DTWD2: variants seen among roughly 807,000 people sequenced by gnomAD.
DTWD2 encodes tRNA-uridine aminocarboxypropyltransferase 2.
Under a neutral mutation model 31.8 loss-of-function variants are expected in DTWD2, and 39 were observed. That is an observed-to-expected ratio of 1.22 (90% CI 0.95 to 1.60). DTWD2 has a LOEUF of 1.60. DTWD2 is among the 40% of genes most tolerant of loss of function. The pLI is 0.00. For synonymous variants in DTWD2, 180 were observed against 142.8 expected (o/e 1.26, Z -1.86); for missense variants, 515 against 381.5 (o/e 1.35, Z -2.92).
rs147038678 is a variant in DTWD2 at position 118,871,988 on chromosome 5, G to C, written c.598-23770C>G. ...AGCTAGATATTCTGGATAGCTTGATGCAACTTCTACATCAGCACTTGACGA... is the reference window on the plus strand; with the variant it reads ...AGCTAGATATTCTGGATAGCTTGATCCAACTTCTACATCAGCACTTGACGA... On this transcript the variant is annotated intron_variant, in intron 4 of 5. Coordinates refer to ENST00000510708, the MANE Select transcript of DTWD2 (RefSeq NM_173666.4). Among the ~76,000 whole-genome samples, 900 of 152,286 alleles carry C rather than the reference G, an allele frequency of 5.9e-3. 33 individuals are homozygous for C. The highest frequency in any genetic ancestry group is 0.056 in the Admixed American group (852 of 15,286).
intron 4 of DTWD2, among the ~76,000 whole-genome samples, chr5:118,919,048 G>C (rs933369651): frequency 6.6e-6 from 1 of 152,194 alleles, no homozygotes; most frequent in Non-Finnish European, 1.5e-5. Context: ...CTAGCTGCAA[G>C]AGAGACTGGA....
intron 4 of DTWD2, among the ~76,000 whole-genome samples, chr5:118,893,076 A>C (rs1433166897): frequency 6.6e-6 from 1 of 152,044 alleles, no homozygotes; most frequent in African/African-American, 2.4e-5. Context: ...TTCTATATAA[A>C]AAAAAGTGGA....
At chr5:118,947,073 T>C (rs1754354610) in intron 1 of DTWD2, among the ~76,000 whole-genome samples, 1 of 152,114 alleles carries the variant, frequency 6.6e-6, no homozygotes, top group African/African-American at 2.4e-5. Context: ...CTGCCTCACT[T>C]ACTCAGCCCA....
intron 4 of DTWD2, among the ~76,000 whole-genome samples, chr5:118,921,139 T>A (rs1358900021): frequency 2.6e-5 from 4 of 152,166 alleles, no homozygotes; most frequent in Non-Finnish European, 5.9e-5. Context: ...ATCTACAACC[T>A]CAGAGATAAG....
At chr5:118,915,335 C>A (rs1357861247) in intron 4 of DTWD2, among the ~76,000 whole-genome samples, 2 of 151,052 alleles carry the variant, frequency 1.3e-5, no homozygotes, top group African/African-American at 2.4e-5. Context: ...CTAACCAGGA[C>A]AAGCCCCCAA....
intron 3 of DTWD2, among the ~76,000 whole-genome samples, chr5:118,930,848 T>G (rs893885545): frequency 3.3e-5 from 5 of 152,038 alleles, no homozygotes; most frequent in African/African-American, 1.2e-4. Flanking sequence ...TGCTTAGGAC[T>G]GGGAAGGCGC....
intron 2 of DTWD2, among the ~76,000 whole-genome samples, chr5:118,941,186 T>A (rs1754189875): frequency 6.6e-6 from 1 of 151,968 alleles, no homozygotes; most frequent in Admixed American, 6.6e-5. Flanking sequence ...ATATATATAT[T>A]TTTATTATAC....
chr5:118,942,361 A>G (rs1027181599), intron 2 of DTWD2, among the ~76,000 whole-genome samples: 3 of 152,164 alleles, frequency 2.0e-5, no homozygotes, highest in Non-Finnish European at 4.4e-5. Context: ...GAAAATAATA[A>G]TAATAGAAAA....
chr5:118,936,624 G>A (rs1580420832), intron 3 of DTWD2, among the ~76,000 whole-genome samples: 1 of 151,986 alleles, frequency 6.6e-6, no homozygotes, highest in East Asian at 1.9e-4. Flanking sequence ...AGTCAACATA[G>A]CAAGACCCCA....
At chr5:118,914,153 T>G (rs537117104) in intron 4 of DTWD2, among the ~76,000 whole-genome samples, 3 of 152,300 alleles carry the variant, frequency 2.0e-5, no homozygotes, top group South Asian at 2.1e-4. Context: ...CTAGAATTCA[T>G]GTGTTGGAAA....
At chr5:118,958,801 C>T (rs1434665582) in intron 1 of DTWD2, among the ~76,000 whole-genome samples, 7 of 152,228 alleles carry the variant, frequency 4.6e-5, no homozygotes, top group South Asian at 4.1e-4. Flanking sequence ...GTTCAATATA[C>T]GCAAATCAAT....
chr5:118,952,274 G>A (rs772840546), intron 1 of DTWD2, among the ~76,000 whole-genome samples: 8 of 152,120 alleles, frequency 5.3e-5, no homozygotes, highest in African/African-American at 1.2e-4. Context: ...CAAATGTTTC[G>A]ACACCAAATG....
intron 1 of DTWD2, among the ~76,000 whole-genome samples, chr5:118,963,620 T>A (rs1025661187): frequency 6.6e-6 from 1 of 152,164 alleles, no homozygotes; most frequent in Admixed American, 6.5e-5. Flanking sequence ...AAAAGGGAAT[T>A]GAACAGATGA....
intron 2 of DTWD2, among the ~76,000 whole-genome samples, chr5:118,943,737 C>CA (rs1488298211): frequency 2.6e-5 from 4 of 151,726 alleles, no homozygotes; most frequent in African/African-American, 9.7e-5. Flanking sequence ...GACTCTGTCT[C>CA]AAAAAATAAA....
At chr5:118,886,433 T>C (rs183184951) in intron 4 of DTWD2, among the ~76,000 whole-genome samples, 2 of 152,276 alleles carry the variant, frequency 1.3e-5, no homozygotes, top group East Asian at 1.9e-4. Flanking sequence ...GGAAGAAAAG[T>C]CTAACCTTAT....
chr5:118,961,325 A>G (rs1239151409), intron 1 of DTWD2, among the ~76,000 whole-genome samples: 1 of 152,200 alleles, frequency 6.6e-6, no homozygotes, highest in African/African-American at 2.4e-5. Context: ...AAAATATAGC[A>G]AACAGCTTTC....
At chr5:118,903,146 T>TAA (rs55691479) in intron 4 of DTWD2, among the ~76,000 whole-genome samples, 28 of 138,240 alleles carry the variant, frequency 2.0e-4, no homozygotes, top group African/African-American at 3.6e-4. Context: ...GCTAAAATGG[T>TAA]AAAAAAAAAA....
At position 118,958,452 on chromosome 5, in the gene DTWD2, C is replaced by T. The variant is rs1468046708; in HGVS notation, c.219-13803G>A. Among the ~76,000 whole-genome samples the T allele has an allele frequency of 6.6e-5, 10 of 151,140 alleles. No individual in the cohort carries two copies. The East Asian group carries it at 1.4e-3, about 21-fold the overall frequency. ...CAGCCAGGGCAACAAAGCAAGACTC[C>T]GTCTGAAAAACAACAACAACAACAA... On this transcript the variant is annotated intron_variant, in intron 1 of 5. Coordinates refer to ENST00000510708, the MANE Select transcript of DTWD2 (RefSeq NM_173666.4).
intron 1 of DTWD2, among the ~76,000 whole-genome samples, chr5:118,951,302 C>G (rs750590325): frequency 2.0e-5 from 3 of 151,796 alleles, no homozygotes; most frequent in Non-Finnish European, 4.4e-5. Context: ...CAAGGGGCAG[C>G]CTGGGGAGGA....
Sources: gnomAD v4.1 joint callset for allele counts (sites outside exome capture counted in the v4.1 genomes callset) on GRCh38, gnomAD v4.1.1 for gene constraint, MANE v1.5 for transcripts, NCBI Gene and HGNC (gene_info 2026-07-23, HGNC 2026-07-21) for gene names.